NUP205: variants seen among roughly 807,000 people sequenced by gnomAD.
The protein encoded by NUP205 is nuclear pore complex protein Nup205.
In NUP205, 76 loss-of-function variants were observed where a neutral mutation model predicts 253.8. The observed-to-expected ratio is 0.30, with a 90% confidence interval of 0.25 to 0.36. NUP205 has a LOEUF of 0.36. Ranked by LOEUF, NUP205 falls within the 10% of genes least tolerant of loss-of-function variation. NUP205 has a pLI of 1.00. For synonymous variants in NUP205, 832 were observed against 850.1 expected (o/e 0.98, Z 0.37); for missense variants, 2,162 against 2,425.5 (o/e 0.89, Z 2.28).
At chr7:135,624,665 C>T (rs1232844989) in intron 31 of NUP205, among the ~76,000 whole-genome samples, 3 of 152,112 alleles carry the variant, frequency 2.0e-5, no homozygotes, top group Non-Finnish European at 4.4e-5. Flanking sequence ...GCGTGAGCCA[C>T]CGCTCCCGGC....
At chr7:135,608,087 C>T (rs1188771977) in intron 22 of NUP205, among the ~76,000 whole-genome samples, 5 of 145,466 alleles carry the variant, frequency 3.4e-5, no homozygotes, top group Admixed American at 7.0e-5. Context: ...AGTGCAGTGG[C>T]GTGATTGTGG....
Position 135,593,016 on chromosome 7 carries a change from C to T in NUP205, c.1654C>T (p.Pro552Ser), listed in dbSNP as rs762687738. The T allele has an allele frequency of 6.2e-7, 1 of 1,613,902 alleles. No individual in the cohort carries two copies. The highest frequency in any genetic ancestry group is 1.7e-5 in the Admixed American group (1 of 60,016). Residue 552 changes from proline to serine, a missense_variant, in exon 12 of 43, where the codon CCT becomes TCT. Pro to Ser is a moderately conservative substitution (Grantham distance 74, BLOSUM62 -1). Transcript: ENST00000285968. ...AAATATTCAGGGAGCAGGTGGCAGT[C>T]CTGTTTCCTGGGAACATTTCTTTCA... is the stretch of plus-strand genomic sequence containing the variant. ...VENIQGAGGSPVSWEHFFHSL... is the reference protein window; with the variant it reads ...VENIQGAGGSSVSWEHFFHSL...
In NUP205 at chr7:135,601,500, C is replaced by T. The variant is rs772916465; in HGVS notation, c.2505C>T (p.Pro835=). The change falls in exon 17 of 43, where the codon CCC becomes CCT. Residue 835 remains proline, a synonymous_variant. Transcript: ENST00000285968. The part of the protein sequence containing the change: ...EGVKQLDTYA[P]FPGKKHLEKA... ...TTAAGCAGCTTGACACCTATGCCCC[C>T]TTTCCTGGTATATGCTTAAAAGCCT... is the stretch of plus-strand genomic sequence containing the variant. 62 of 1,612,320 alleles carry T rather than the reference C, an allele frequency of 3.8e-5. No homozygotes were observed. Among genetic ancestry groups the T allele is most frequent in the Non-Finnish European group, 5.2e-5 (61 of 1,179,450 alleles).
intron 25 of NUP205, 87 bp from the exon 26 acceptor site, chr7:135,617,003 A>T (rs1794375929): frequency 1.5e-5 from 14 of 952,520 alleles, no homozygotes; most frequent in Non-Finnish European, 2.2e-5. Flanking sequence ...TGAAAATAGC[A>T]CTGTCTTTGA....
At chr7:135,564,342 G>A (rs1174989316) in intron 1 of NUP205, among the ~76,000 whole-genome samples, 5 of 150,756 alleles carry the variant, frequency 3.3e-5, no homozygotes, top group African/African-American at 9.8e-5. Flanking sequence ...TGCCTCCTGG[G>A]TTCAAGCAAT....
At chr7:135,598,260 T>C in intron 15 of NUP205, 53 bp downstream of exon 15, 2 of 1,465,692 alleles carry the variant, frequency 1.4e-6, no homozygotes, top group East Asian at 2.3e-5. Flanking sequence ...GCTTTTTCTT[T>C]TATCAAAAGT....
chr7:135,645,535 C>T lies in NUP205; in HGVS notation c.5751C>T (p.Pro1917=), dbSNP rs777493367. The T allele has an allele frequency of 1.2e-5, 20 of 1,613,886 alleles. No individual in the cohort carries two copies. The highest frequency in any genetic ancestry group is 3.4e-6 in the Non-Finnish European group (4 of 1,179,906). ...HLEYYLLHCM[P]TDSQDSLFAS... ...AGTACTACTTGTTACATTGCATGCC[C>T]ACGGATTCTCAAGATTCCTTATTTG... The change falls in exon 41 of 43, where the codon CCC becomes CCT. Residue 1917 remains proline, a synonymous_variant. Coordinates refer to ENST00000285968, the MANE Select transcript of NUP205 (RefSeq NM_015135.3).
chr7:135,625,871 TTATTTAACAGG>T (rs1395354483), intron 32 of NUP205, among the ~76,000 whole-genome samples: 1 of 152,178 alleles, frequency 6.6e-6, no homozygotes, highest in Non-Finnish European at 1.5e-5. Context: ...CCTCCTTCAT[TTATTTAACAGG>T]TATTTATTAA....
chr7:135,559,248 C>A (rs774361114), intron 1 of NUP205, among the ~76,000 whole-genome samples: 23 of 152,162 alleles, frequency 1.5e-4, no homozygotes, highest in Admixed American at 6.6e-5. Flanking sequence ...TGATATTAGA[C>A]GTATATATTA....
rs140427916 is a variant in NUP205, at chr7:135,606,902, C to T, written c.3057C>T (p.Asn1019=). Residue 1019 remains asparagine (N), a synonymous_variant, in exon 21 of 43, where the codon AAC becomes AAT. Transcript: ENST00000285968. ...TGAAAAAACCTGTCAGTACTACAAA[C>T]CTACAAGATCCAGGTATAGCCTAAG... ...FELKKPVSTT[N]LQDPGVLGCP... The T allele has an allele frequency of 5.4e-5, 87 of 1,613,830 alleles. No individual in the cohort carries two copies. The African/African-American group carries it at 9.1e-4, about 17-fold the overall frequency.
intron 30 of NUP205, 89 bp downstream of exon 30, chr7:135,619,977 A>G: frequency 1.2e-6 from 1 of 826,878 alleles, no homozygotes; most frequent in South Asian, 1.6e-5. Context: ...TCTTTTGACT[A>G]ATCACAACTG....
At position 135,614,265 on chromosome 7, in the gene NUP205, C is replaced by T. The variant is rs767561955; in HGVS notation, c.3302C>T (p.Ser1101Phe). 6.5e-7 allele frequency: 1 copy of T among 1,545,260 alleles called. No individual in the cohort carries two copies. Among genetic ancestry groups the T allele is most frequent in the Non-Finnish European group, 8.9e-7 (1 of 1,117,832 alleles). Residue 1101 changes from serine (S) to phenylalanine (F), a missense_variant, in exon 23 of 43, where the codon TCT becomes TTT. By Grantham distance (155) the Ser-to-Phe change is radical (BLOSUM62 -2). Coordinates refer to ENST00000285968, the MANE Select transcript of NUP205 (RefSeq NM_015135.3). ...TCCCAGTTGCAGTATCTACCATTTT[C>T]TAACAAAGGTAGGCCATTATTTTCC... The part of the protein sequence containing the change: ...LFSQLQYLPF[S>F]NKEYEISMLN...
intron 1 of NUP205, among the ~76,000 whole-genome samples, chr7:135,569,395 T>G (rs1393788751): frequency 4.6e-5 from 7 of 152,190 alleles, no homozygotes; most frequent in African/African-American, 1.7e-4. Context: ...TTGAAATACC[T>G]AAATTCTTCC....
At chr7:135,622,201 G>T (rs1401594692) in intron 30 of NUP205, among the ~76,000 whole-genome samples, 2 of 151,720 alleles carry the variant, frequency 1.3e-5, no homozygotes, top group Non-Finnish European at 2.9e-5. Flanking sequence ...AAGGCAGGCA[G>T]ATCACGAGGT....
At chr7:135,605,841 A>G (rs1794075318) in intron 19 of NUP205, among the ~76,000 whole-genome samples, 1 of 149,690 alleles carries the variant, frequency 6.7e-6, no homozygotes, top group Non-Finnish European at 1.5e-5. Flanking sequence ...GTCAGTAAAC[A>G]GCAATTTCGT....
chr7:135,629,626 A>G (rs1794669436), intron 34 of NUP205, among the ~76,000 whole-genome samples: 1 of 151,522 alleles, frequency 6.6e-6, no homozygotes, highest in South Asian at 2.1e-4. Flanking sequence ...TCCCAGGTTC[A>G]AGTGATTCTT....
intron 1 of NUP205, among the ~76,000 whole-genome samples, chr7:135,566,443 C>A (rs771676352): frequency 5.9e-5 from 9 of 152,130 alleles, no homozygotes; most frequent in Non-Finnish European, 8.8e-5. Context: ...CTCATGTTGC[C>A]TTGTCAACAC....
intron 36 of NUP205, among the ~76,000 whole-genome samples, chr7:135,637,582 T>C (rs1014424280): frequency 6.6e-6 from 1 of 152,240 alleles, no homozygotes; most frequent in African/African-American, 2.4e-5. Flanking sequence ...CCTCTCATTT[T>C]GCTTCTCTTT....
chr7:135,593,891 C>G (rs1422629555), intron 12 of NUP205, among the ~76,000 whole-genome samples: 1 of 152,120 alleles, frequency 6.6e-6, no homozygotes, highest in Non-Finnish European at 1.5e-5. Flanking sequence ...GAAGAAAGTT[C>G]TAGTGTTCTA....
Sources: gnomAD v4.1 joint callset for allele counts (sites outside exome capture counted in the v4.1 genomes callset) on GRCh38, gnomAD v4.1.1 for gene constraint, MANE v1.5 for transcripts, NCBI Gene and HGNC (gene_info 2026-07-23, HGNC 2026-07-21) for gene names.